The following CACNA2D3 variants were observed in gnomAD, a reference collection of about 807,000 sequenced individuals.
CACNA2D3 encodes the protein calcium voltage-gated channel auxiliary subunit alpha2delta 3, also known as voltage-dependent calcium channel subunit alpha-2/delta-3.
A neutral mutation model predicts 160.6 loss-of-function variants in CACNA2D3; 60 were observed. That is an observed-to-expected ratio of 0.37 (90% CI 0.30 to 0.46). CACNA2D3 has a LOEUF of 0.46. Among genes scored for constraint, CACNA2D3 ranks in the 20% least tolerant of loss-of-function variants. CACNA2D3 has a pLI of 1.00. For synonymous variants in CACNA2D3, 558 were observed against 492.9 expected (o/e 1.13, Z -1.75); for missense variants, 1,205 against 1,365.0 (o/e 0.88, Z 1.85).
intron 27 of CACNA2D3, among the ~76,000 whole-genome samples, chr3:54,932,916 G>A (rs1209159234): frequency 1.3e-5 from 2 of 152,198 alleles, no homozygotes; most frequent in Non-Finnish European, 1.5e-5. Flanking sequence ...TAGAAAGAAA[G>A]TTTGACATTG....
At chr3:54,886,164 C>CACAGTATATCTCCAGTAGCT in intron 23 of CACNA2D3, among the ~76,000 whole-genome samples, 1 of 151,934 alleles carries the variant, frequency 6.6e-6, no homozygotes, top group Admixed American at 6.5e-5. Context: ...CCTATACTCT[C>CACAGTATATCTCCAGTAGCT]ACAGTTTGGG....
chr3:54,254,978 T>C (rs1037281233), intron 2 of CACNA2D3, among the ~76,000 whole-genome samples: 4 of 152,220 alleles, frequency 2.6e-5, no homozygotes, highest in Non-Finnish European at 5.9e-5. Context: ...GTAACCTCAG[T>C]TGATTATTGT....
intron 35 of CACNA2D3, among the ~76,000 whole-genome samples, chr3:55,067,287 G>C (rs1379174820): frequency 6.6e-6 from 1 of 152,268 alleles, no homozygotes; most frequent in African/African-American, 2.4e-5. Context: ...AGCTCTAATC[G>C]TTCCAGCACG....
chr3:54,824,922 A>C (rs1703719235), intron 14 of CACNA2D3, among the ~76,000 whole-genome samples: 1 of 152,232 alleles, frequency 6.6e-6, no homozygotes, highest in African/African-American at 2.4e-5. Context: ...GGTGTTTATT[A>C]AGTTGAAAAC....
At chr3:54,817,661 A>T (rs1171582042) in intron 14 of CACNA2D3, among the ~76,000 whole-genome samples, 1 of 152,224 alleles carries the variant, frequency 6.6e-6, no homozygotes, top group Non-Finnish European at 1.5e-5. Flanking sequence ...AAATTTAAAC[A>T]GCATCTCCTA....
intron 13 of CACNA2D3, among the ~76,000 whole-genome samples, chr3:54,783,501 G>C (rs1702572870): frequency 6.6e-6 from 1 of 152,238 alleles, no homozygotes; most frequent in Admixed American, 6.5e-5. Flanking sequence ...AGCTACTCGG[G>C]AGACTGAGGC....
At chr3:54,464,746 C>T (rs549994346) in intron 4 of CACNA2D3, among the ~76,000 whole-genome samples, 1 of 152,378 alleles carries the variant, frequency 6.6e-6, no homozygotes, top group South Asian at 2.1e-4. Flanking sequence ...CAATGCCTCG[C>T]CGTGCTTCGG....
At chr3:54,747,420 A>C (rs1290405911) in intron 11 of CACNA2D3, among the ~76,000 whole-genome samples, 1 of 152,056 alleles carries the variant, frequency 6.6e-6, no homozygotes, top group Admixed American at 6.6e-5. Context: ...ATGGCTGTGG[A>C]TGGGACATGG....
At chr3:54,713,942 C>T (rs957676029) in intron 11 of CACNA2D3, among the ~76,000 whole-genome samples, 1 of 151,924 alleles carries the variant, frequency 6.6e-6, no homozygotes, top group Non-Finnish European at 1.5e-5. Flanking sequence ...AGCCATTGTT[C>T]AAGTTTCACA....
intron 3 of CACNA2D3, among the ~76,000 whole-genome samples, chr3:54,336,583 A>G (rs1323704318): frequency 1.3e-5 from 2 of 152,220 alleles, no homozygotes; most frequent in Admixed American, 1.3e-4. Flanking sequence ...TATAACAAAT[A>G]TAACTTCCTT....
At chr3:54,733,032 C>T (rs1006801379) in intron 11 of CACNA2D3, among the ~76,000 whole-genome samples, 6 of 152,212 alleles carry the variant, frequency 3.9e-5, no homozygotes, top group African/African-American at 9.7e-5. Flanking sequence ...GGTTCTCCCA[C>T]GGTAATGCTT....
intron 2 of CACNA2D3, among the ~76,000 whole-genome samples, chr3:54,161,121 T>A (rs1700336007): frequency 6.6e-6 from 1 of 152,182 alleles, no homozygotes; most frequent in African/African-American, 2.4e-5. Context: ...TCATGCCATG[T>A]TGAAATTATT....
chr3:54,249,140 C>G lies in CACNA2D3; in HGVS notation c.205-71302C>G, dbSNP rs1309526062. On this transcript the variant is annotated intron_variant, in intron 2 of 37. Coordinates refer to ENST00000474759, the MANE Select transcript of CACNA2D3 (RefSeq NM_018398.3). The stretch of plus-strand genomic sequence containing the variant: ...CTTTCTAGTGTTGGATTTGGTTGTA[C>G]ACAGGTTAGTTTTTATCATACTAGG... Among the ~76,000 whole-genome samples the G allele has an allele frequency of 1.3e-5, 2 of 152,122 alleles. 1 individual carries two copies. The highest frequency in any genetic ancestry group is 4.8e-5 in the African/African-American group (2 of 41,416).
intron 4 of CACNA2D3, among the ~76,000 whole-genome samples, chr3:54,474,118 A>G (rs1700785769): frequency 6.6e-6 from 1 of 152,188 alleles, no homozygotes; most frequent in African/African-American, 2.4e-5. Flanking sequence ...TTGCAGCACT[A>G]TTCACAATAG....
chr3:54,158,038 T>C (rs1700276295), intron 2 of CACNA2D3, among the ~76,000 whole-genome samples: 1 of 152,226 alleles, frequency 6.6e-6, no homozygotes, highest in Non-Finnish European at 1.5e-5. Flanking sequence ...TTCCTGGTGC[T>C]GGAAGCACTG....
chr3:54,333,123 A>G (rs1033455069), intron 3 of CACNA2D3, among the ~76,000 whole-genome samples: 7 of 152,072 alleles, frequency 4.6e-5, no homozygotes, highest in African/African-American at 7.2e-5. Flanking sequence ...AGGAGAGAGC[A>G]AGACAAGGGG....
intron 5 of CACNA2D3, among the ~76,000 whole-genome samples, chr3:54,542,614 A>G (rs1476943272): frequency 6.6e-6 from 1 of 152,184 alleles, no homozygotes; most frequent in Non-Finnish European, 1.5e-5. Flanking sequence ...GGCAGGAAGC[A>G]TGCAGCACAG....
chr3:54,674,381 A>G (rs1175410162), intron 11 of CACNA2D3, among the ~76,000 whole-genome samples: 2 of 151,852 alleles, frequency 1.3e-5, no homozygotes, highest in Non-Finnish European at 2.9e-5. Flanking sequence ...GAGAAGGGGA[A>G]GGAGGATGGA....
intron 27 of CACNA2D3, among the ~76,000 whole-genome samples, chr3:54,907,084 A>G (rs547734614): frequency 2.6e-5 from 4 of 152,272 alleles, no homozygotes; most frequent in Admixed American, 6.5e-5. Context: ...AAAAGCCCCA[A>G]CGCGCCCTCC....
Sources: gnomAD v4.1 joint callset for allele counts (sites outside exome capture counted in the v4.1 genomes callset) on GRCh38, gnomAD v4.1.1 for gene constraint, MANE v1.5 for transcripts, NCBI Gene and HGNC (gene_info 2026-07-23, HGNC 2026-07-21) for gene names.